Variants in ANKS1B observed in about 807,000 individuals in gnomAD.
ANKS1B encodes the protein ankyrin repeat and sterile alpha motif domain containing 1B.
A neutral mutation model predicts 148.3 loss-of-function variants in ANKS1B; 36 were observed. The ratio of observed to expected loss-of-function variants is 0.24; its 90% confidence interval spans 0.19 to 0.32. ANKS1B has a LOEUF of 0.32. Among genes scored for constraint, ANKS1B ranks in the 10% least tolerant of loss-of-function variants. ANKS1B has a pLI of 1.00. For missense variants in ANKS1B, 1,157 were observed against 1,542.6 expected, an observed-to-expected ratio of 0.75 and a Z score of 4.19; for synonymous variants, 542 against 560.8, an observed-to-expected ratio of 0.97 and a Z score of 0.47.
intron 1 of ANKS1B, among the ~76,000 whole-genome samples, chr12:99,906,380 A>T (rs10860536): frequency 0.63 from 96,153 of 152,088 alleles, 32,037 homozygotes; most frequent in African/African-American, 0.78. Context: ...GTCCAAACAA[A>T]GTCTTCCCAA....
intron 8 of ANKS1B, among the ~76,000 whole-genome samples, chr12:99,747,826 A>T (rs568559145): frequency 1.1e-4 from 16 of 152,304 alleles, no homozygotes; most frequent in African/African-American, 3.8e-4. Flanking sequence ...CACATGTGAA[A>T]AATGAACCAT....
chr12:99,082,446 A>G (rs1470835241), intron 16 of ANKS1B, among the ~76,000 whole-genome samples: 2 of 152,168 alleles, frequency 1.3e-5, no homozygotes, highest in Non-Finnish European at 2.9e-5. Flanking sequence ...AGGACAGGAT[A>G]AAGACTTTAT....
At chr12:98,952,955 C>T (rs1224012238) in intron 17 of ANKS1B, among the ~76,000 whole-genome samples, 8 of 152,022 alleles carry the variant, frequency 5.3e-5, no homozygotes, top group Non-Finnish European at 8.8e-5. Context: ...AACTCCGGGG[C>T]TCAAGTGATC....
At chr12:98,898,992 A>C (rs1396170137) in intron 17 of ANKS1B, among the ~76,000 whole-genome samples, 4 of 152,206 alleles carry the variant, frequency 2.6e-5, no homozygotes, top group Admixed American at 6.5e-5. Flanking sequence ...TTGTATTAAA[A>C]AATTATCCAG....
chr12:99,491,308 A>G (rs78322084), intron 10 of ANKS1B, among the ~76,000 whole-genome samples: 1 of 57,784 alleles, frequency 1.7e-5, no homozygotes, highest in African/African-American at 8.2e-5. Flanking sequence ...CCATCTCAGA[A>G]AAAAAAAAAA....
chr12:99,840,881 T>C (rs1406278484), intron 1 of ANKS1B, among the ~76,000 whole-genome samples: 3 of 152,182 alleles, frequency 2.0e-5, no homozygotes, highest in East Asian at 3.8e-4. Flanking sequence ...TTTAACGGCA[T>C]GCCTGGTAGG....
chr12:98,911,285 G>C (rs529653435), intron 17 of ANKS1B, among the ~76,000 whole-genome samples: 1 of 152,274 alleles, frequency 6.6e-6, no homozygotes, highest in Non-Finnish European at 1.5e-5. Context: ...GTGTCAAGAT[G>C]ATGAAACTGA....
chr12:99,672,799 T>C (rs1024437203), intron 8 of ANKS1B, among the ~76,000 whole-genome samples: 2 of 152,146 alleles, frequency 1.3e-5, no homozygotes, highest in Non-Finnish European at 2.9e-5. Flanking sequence ...TACTCTCCTA[T>C]CATAGTTTAA....
chr12:99,465,359 C>T lies in ANKS1B; in HGVS notation c.1439-21550G>A, dbSNP rs531863477. Among the ~76,000 whole-genome samples, 1,336 of 151,786 alleles carry T rather than the reference C, an allele frequency of 8.8e-3. 19 individuals are homozygous for T. The highest frequency in any genetic ancestry group is 0.029 in the African/African-American group (1,197 of 41,218). On this transcript the variant is annotated intron_variant, in intron 10 of 26. Coordinates refer to ENST00000683438, the MANE Select transcript of ANKS1B (RefSeq NM_001352186.2). Reference sequence around the variant, plus strand: ...AATCACGCCAAATTGTAAAGACCATCGAGGCTAGGAAGAAACTGCATCAAC... The same window carrying T: ...AATCACGCCAAATTGTAAAGACCATTGAGGCTAGGAAGAAACTGCATCAAC...
rs117995086 is a variant in ANKS1B at position 98,980,777 on chromosome 12, G to C, written c.2778+72380C>G. 3.6e-3 allele frequency among the ~76,000 whole-genome samples: 549 copies of C among 152,198 alleles called. 25 individuals are homozygous for C. In the East Asian group the frequency reaches 0.076, roughly 21 times the overall value. On this transcript the variant is annotated intron_variant, in intron 17 of 26. Transcript: ENST00000683438. ...CTAGATATTTGCCCCTCAGCTTCTA[G>C]CCTGAGCCTCTCCAAACTCCAGTCT...
chr12:98,932,520 A>G (rs1199472862), intron 17 of ANKS1B, among the ~76,000 whole-genome samples: 1 of 152,220 alleles, frequency 6.6e-6, no homozygotes, highest in Non-Finnish European at 1.5e-5. Context: ...GCTGCTGTAG[A>G]CAAGAACAAT....
intron 1 of ANKS1B, among the ~76,000 whole-genome samples, chr12:99,938,169 C>T (rs1446487921): frequency 6.6e-6 from 1 of 151,678 alleles, no homozygotes. Flanking sequence ...TTGTTGGAGT[C>T]TCTGTCTTTT....
At chr12:99,745,187 T>A (rs1601255443) in intron 8 of ANKS1B, among the ~76,000 whole-genome samples, 2 of 139,374 alleles carry the variant, frequency 1.4e-5, no homozygotes, top group Middle Eastern at 7.3e-3. Flanking sequence ...ACAAAGAGAA[T>A]AAGGAAACAT....
chr12:99,086,975 T>C (rs1284080062), intron 15 of ANKS1B, among the ~76,000 whole-genome samples: 1 of 152,166 alleles, frequency 6.6e-6, no homozygotes, highest in Non-Finnish European at 1.5e-5. Flanking sequence ...AGAGGCGCTG[T>C]GGGCATAGAC....
At chr12:99,670,317 A>G (rs1037647082) in intron 8 of ANKS1B, among the ~76,000 whole-genome samples, 24 of 146,580 alleles carry the variant, frequency 1.6e-4, no homozygotes, top group Admixed American at 1.5e-3. Context: ...CCTAATTCAT[A>G]ATAAATAGAT....
At chr12:99,182,601 G>A (rs1307481756) in intron 14 of ANKS1B, among the ~76,000 whole-genome samples, 4 of 151,948 alleles carry the variant, frequency 2.6e-5, no homozygotes, top group Non-Finnish European at 4.4e-5. Context: ...TGGCTATTAT[G>A]AATAGTGCTA....
chr12:98,987,076 G>T (rs370354935), intron 17 of ANKS1B, among the ~76,000 whole-genome samples: 1 of 151,546 alleles, frequency 6.6e-6, no homozygotes, highest in East Asian at 1.9e-4. Context: ...TTGAATTCCA[G>T]AATTGGTATA....
At chr12:99,010,558 C>T (rs140578505) in intron 17 of ANKS1B, among the ~76,000 whole-genome samples, 2 of 152,178 alleles carry the variant, frequency 1.3e-5, no homozygotes, top group Non-Finnish European at 2.9e-5. Context: ...ATAGGTATTA[C>T]AATATCCCTA....
At chr12:99,473,448 C>T (rs34203526) in intron 10 of ANKS1B, among the ~76,000 whole-genome samples, 73 of 151,896 alleles carry the variant, frequency 4.8e-4, no homozygotes, top group Admixed American at 1.2e-3. Context: ...TTTTCAAGAG[C>T]CATACCTAGT....
Sources: gnomAD v4.1 joint callset for allele counts (sites outside exome capture counted in the v4.1 genomes callset) on GRCh38, gnomAD v4.1.1 for gene constraint, MANE v1.5 for transcripts, NCBI Gene and HGNC (gene_info 2026-07-23, HGNC 2026-07-21) for gene names.